CDC25C: variants seen among roughly 807,000 people sequenced by gnomAD.
CDC25C encodes M-phase inducer phosphatase 3.
In CDC25C, 48 loss-of-function variants were observed where a neutral mutation model predicts 52.5. That is an observed-to-expected ratio of 0.91 (90% CI 0.72 to 1.16). The LOEUF (loss-of-function observed/expected upper bound fraction) is 1.16, where lower values mean the gene tolerates loss of function less well. Among genes scored for constraint, CDC25C ranks in the 50% most tolerant of loss-of-function variants. The pLI is 0.00. For synonymous variants in CDC25C, 187 were observed against 206.5 expected, an observed-to-expected ratio of 0.91 and a Z score of 0.81; for missense variants, 510 against 566.1, an observed-to-expected ratio of 0.90 and a Z score of 1.01.
intron 1 of CDC25C, 48 bp from the exon 2 acceptor site, chr5:138,331,266 T>C (rs1760362949): frequency 8.0e-7 from 1 of 1,250,558 alleles, no homozygotes; most frequent in Non-Finnish European, 1.2e-6. Flanking sequence ...TTCCCTCAGC[T>C]TTCCTAAACT....
In CDC25C at chr5:138,289,581, C is replaced by T; in HGVS notation, c.865-18G>A. On this transcript the variant is annotated intron_variant, in intron 9 of 13. Coordinates refer to ENST00000323760, the MANE Select transcript of CDC25C (RefSeq NM_001790.5). ...GCACATACCTAGAAATACACAAGAG[C>T]TGAAATAACAGCAAGTATTCCACAC... 6.2e-7 allele frequency: 1 copy of T among 1,604,102 alleles called. No individual in the cohort carries two copies. Among genetic ancestry groups the T allele is most frequent in the South Asian group, 1.1e-5 (1 of 90,886 alleles).
At chr5:138,302,198 T>C (rs1757679889) in intron 7 of CDC25C, among the ~76,000 whole-genome samples, 16 of 151,286 alleles carry the variant, frequency 1.1e-4, no homozygotes, top group Admixed American at 1.1e-3. Context: ...GGTTCCACCA[T>C]GTTGGCCAGG....
intron 7 of CDC25C, among the ~76,000 whole-genome samples, chr5:138,301,360 A>T (rs1304783756): frequency 6.6e-6 from 1 of 152,154 alleles, no homozygotes; most frequent in Non-Finnish European, 1.5e-5. Context: ...AAAATGGACA[A>T]ATTCCTTCAA....
chr5:138,326,730 G>A (rs1178880952), intron 4 of CDC25C, among the ~76,000 whole-genome samples: 1 of 152,072 alleles, frequency 6.6e-6, no homozygotes, highest in Non-Finnish European at 1.5e-5. Context: ...GAGGCAGGCG[G>A]ATCACCTGAG....
At chr5:138,286,296 TC>T (rs1756223420) in intron 12 of CDC25C, among the ~76,000 whole-genome samples, 163 bp from the exon 13 acceptor site, 1 of 152,174 alleles carries the variant, frequency 6.6e-6, no homozygotes, top group African/African-American at 2.4e-5. Context: ...GTACCACCCT[TC>T]CTCCTTTCCT....
In CDC25C at chr5:138,325,847, C is replaced by T. The variant is rs749007566; in HGVS notation, c.427G>A (p.Ala143Thr). 3 of 1,613,768 alleles carry T rather than the reference C, an allele frequency of 1.9e-6. No homozygotes were observed. Among genetic ancestry groups the T allele is most frequent in the Non-Finnish European group, 1.7e-6 (2 of 1,179,640 alleles). Reference protein sequence around the residue: ...GLDRGHRKRDAMCSSSANKEN... With the variant: ...GLDRGHRKRDTMCSSSANKEN... ...TTATTTGCAGATGAACTACACATTG[C>T]ATCTCTCTTTCTATGGCCACGGTCC... is the stretch of plus-strand genomic sequence containing the variant. Residue 143 changes from alanine to threonine, a missense_variant, in exon 6 of 14, where the codon GCA (alanine) becomes ACA (threonine). Coordinates refer to ENST00000323760, the MANE Select transcript of CDC25C (RefSeq NM_001790.5).
chr5:138,299,308 C>T (rs2126700525), intron 7 of CDC25C, among the ~76,000 whole-genome samples: 1 of 151,116 alleles, frequency 6.6e-6, no homozygotes, highest in East Asian at 1.9e-4. Context: ...CCAGCCTGGC[C>T]AACAGAGTGA....
intron 7 of CDC25C, among the ~76,000 whole-genome samples, chr5:138,307,406 C>T (rs1456094009): frequency 6.9e-6 from 1 of 144,000 alleles, no homozygotes; most frequent in Middle Eastern, 3.3e-3. Context: ...ATGGAAGAAT[C>T]GCCTGAGCCC....
chr5:138,306,769 C>T (rs571896179), intron 7 of CDC25C, among the ~76,000 whole-genome samples: 20 of 151,466 alleles, frequency 1.3e-4, no homozygotes, highest in African/African-American at 4.6e-4. Context: ...AGCCAATGTG[C>T]CTGGCCTATT....
chr5:138,323,882 C>A (rs28784930), intron 6 of CDC25C, among the ~76,000 whole-genome samples: 3 of 146,446 alleles, frequency 2.0e-5, no homozygotes, highest in East Asian at 4.2e-4. Flanking sequence ...CTCTTGAACC[C>A]GGGAGGCAGA....
intron 4 of CDC25C, 68 bp downstream of exon 4, chr5:138,328,416 C>A: frequency 1.4e-6 from 2 of 1,428,608 alleles, no homozygotes; most frequent in Admixed American, 1.7e-5. Flanking sequence ...AGAGTCTGCA[C>A]AGGATAAAAT....
chr5:138,287,072 C>A, intron 11 of CDC25C, 97 bp downstream of exon 11: 1 of 769,552 alleles, frequency 1.3e-6, no homozygotes. Flanking sequence ...AATCTTTGTC[C>A]TGACTCTAGA....
upstream of CDC25C, among the ~76,000 whole-genome samples, chr5:138,333,967 G>A (rs902083051): frequency 1.3e-4 from 19 of 150,928 alleles, no homozygotes; most frequent in East Asian, 2.3e-3. Context: ...ATGGAGTCTC[G>A]CTCTCTCCCG....
At chr5:138,312,020 A>G (rs182278083) in intron 7 of CDC25C, among the ~76,000 whole-genome samples, 2 of 152,348 alleles carry the variant, frequency 1.3e-5, no homozygotes, top group African/African-American at 4.8e-5. Flanking sequence ...CGTAGTCATC[A>G]GATGGATAGT....
rs759786606 is a variant in CDC25C at position 138,285,695 on chromosome 5, T to G, written c.1419A>C (p.Pro473=). 6.2e-7 allele frequency: 1 copy of G among 1,613,730 alleles called. No homozygotes were observed. ...QIALLVKDMS[P] is the part of the protein sequence containing the mutation. ...GCAGCCAGTGGCTGGAATGTTATCA[T>G]GGGCTCATGTCCTTCACCAGAAGGG... is the stretch of plus-strand genomic sequence containing the variant. Residue 473 remains proline, a synonymous_variant, in exon 14 of 14, where the codon CCA becomes CCC. Coordinates refer to ENST00000323760, the MANE Select transcript of CDC25C (RefSeq NM_001790.5).
intron 1 of CDC25C, chr5:138,337,569 G>C (rs1282273775): frequency 9.9e-6 from 2 of 202,358 alleles, no homozygotes; most frequent in Admixed American, 1.3e-4. Context: ...AGAGAGAAGA[G>C]AGGGAGTGAA....
At chr5:138,321,710 C>G (rs1437258507) in intron 6 of CDC25C, among the ~76,000 whole-genome samples, 1 of 130,080 alleles carries the variant, frequency 7.7e-6, no homozygotes, top group Non-Finnish European at 1.5e-5. Flanking sequence ...TGAGATCGCA[C>G]CACTGCACTC....
chr5:138,290,906 G>A (rs59305925), intron 8 of CDC25C, among the ~76,000 whole-genome samples, 166 bp from the exon 9 acceptor site: 1,599 of 152,122 alleles, frequency 0.011, 36 homozygotes, highest in African/African-American at 0.037. Flanking sequence ...AGTGAGCTAC[G>A]ATTGCACCAC....
At chr5:138,329,740 T>C in intron 2 of CDC25C, 93 bp from the exon 3 acceptor site, 1 of 697,866 alleles carries the variant, frequency 1.4e-6, no homozygotes, top group Non-Finnish European at 2.3e-6. Flanking sequence ...TTTTTTTTTT[T>C]TTTTTTTTGC....
Sources: allele counts gnomAD v4.1 joint callset (sites outside exome capture counted in the v4.1 genomes callset), GRCh38; gene constraint gnomAD v4.1.1; transcripts MANE v1.5; gene names NCBI Gene and HGNC (gene_info 2026-07-23, HGNC 2026-07-21).